The following CPM variants were observed in gnomAD, a reference collection of about 807,000 sequenced individuals.
CPM encodes the protein renal carboxypeptidase.
In CPM, 35 loss-of-function variants were observed where a neutral mutation model predicts 46.4. The ratio of observed to expected loss-of-function variants is 0.75; its 90% confidence interval spans 0.58 to 1.00. The LOEUF (loss-of-function observed/expected upper bound fraction) is 1.00. CPM is among the 50% of genes least tolerant of loss of function. The pLI is 0.00. For missense variants in CPM, 422 were observed against 530.4 expected, an observed-to-expected ratio of 0.80 and a Z score of 2.01; for synonymous variants, 195 against 195.3, an observed-to-expected ratio of 1.00 and a Z score of 0.01.
At chr12:68,914,226 G>T (rs1474659417) in intron 2 of CPM, among the ~76,000 whole-genome samples, 1 of 152,138 alleles carries the variant, frequency 6.6e-6, no homozygotes, top group South Asian at 2.1e-4. Context: ...AGAGCACAAG[G>T]CCAGTCATTA....
intron 2 of CPM, among the ~76,000 whole-genome samples, chr12:68,922,051 T>C (rs1039583121): frequency 6.6e-6 from 1 of 152,198 alleles, no homozygotes. Flanking sequence ...GCCTGGTCCT[T>C]GGCCTCTATG....
chr12:68,960,749 GCAAC>G (rs1469101554), intron 1 of CPM, among the ~76,000 whole-genome samples: 1 of 152,142 alleles, frequency 6.6e-6, no homozygotes, highest in Non-Finnish European at 1.5e-5. Context: ...TCTAAATGTG[GCAAC>G]CTATGTGACT....
At chr12:68,935,371 G>A (rs1238412795), upstream of CPM, among the ~76,000 whole-genome samples, 1 of 152,092 alleles carries the variant, frequency 6.6e-6, no homozygotes, top group East Asian at 1.9e-4. Context: ...AGCGATTCTT[G>A]TGTTTCAGCC....
At chr12:68,902,504 A>G (rs1248025439) in intron 2 of CPM, among the ~76,000 whole-genome samples, 1 of 152,154 alleles carries the variant, frequency 6.6e-6, no homozygotes, top group African/African-American at 2.4e-5. Context: ...TTGGTTTCGG[A>G]CTTTTCCAGT....
At chr12:68,931,763 A>AAAAAAAAAAAAAAG (rs1482981614) in intron 2 of CPM, among the ~76,000 whole-genome samples, 38 of 132,514 alleles carry the variant, frequency 2.9e-4, no homozygotes, top group African/African-American at 3.7e-4. Flanking sequence ...AAAAAAAAAA[A>AAAAAAAAAAAAAAG]AAAGAAAGAA....
intron 7 of CPM, among the ~76,000 whole-genome samples, chr12:68,860,137 C>A (rs1190358339): frequency 6.6e-6 from 1 of 152,150 alleles, no homozygotes; most frequent in African/African-American, 2.4e-5. Context: ...CTTCAACAAA[C>A]TTCTATCTGA....
intron 6 of CPM, among the ~76,000 whole-genome samples, chr12:68,867,884 T>C (rs1356250062): frequency 6.6e-6 from 1 of 152,198 alleles, no homozygotes; most frequent in Non-Finnish European, 1.5e-5. Flanking sequence ...CCCTAGCAGA[T>C]AGCCAGAACT....
chr12:68,883,538 C>T (rs1164503751), intron 3 of CPM, among the ~76,000 whole-genome samples: 1 of 152,204 alleles, frequency 6.6e-6, no homozygotes, highest in Non-Finnish European at 1.5e-5. Flanking sequence ...GCTGCCTAGT[C>T]TCAGCCCTCA....
chr12:68,961,140 A>G (rs79575450), intron 1 of CPM, among the ~76,000 whole-genome samples: 2,146 of 152,204 alleles, frequency 0.014, 46 homozygotes, highest in African/African-American at 0.049. Flanking sequence ...TAATGAAAAT[A>G]CCTATAGTCT....
chr12:68,888,544 A>G (rs999759997), intron 2 of CPM, among the ~76,000 whole-genome samples: 13 of 152,270 alleles, frequency 8.5e-5, no homozygotes, highest in Admixed American at 4.6e-4. Context: ...CCTAGACCAG[A>G]GCAAATGCAC....
intron 7 of CPM, among the ~76,000 whole-genome samples, chr12:68,861,623 G>A (rs541622822): frequency 4.0e-5 from 6 of 151,140 alleles, no homozygotes; most frequent in Non-Finnish European, 8.8e-5. Context: ...TCTGCCTCCC[G>A]GGTTCAAGCA....
At chr12:68,868,205 G>A (rs1049861410) in intron 6 of CPM, among the ~76,000 whole-genome samples, 2 of 152,206 alleles carry the variant, frequency 1.3e-5, no homozygotes, top group Non-Finnish European at 2.9e-5. Flanking sequence ...GAGCAGGGAC[G>A]ATGCAGAAGC....
At chr12:68,910,423 T>C (rs1268397809) in intron 2 of CPM, among the ~76,000 whole-genome samples, 34 of 152,200 alleles carry the variant, frequency 2.2e-4, no homozygotes, top group Admixed American at 2.2e-3. Context: ...TTTTTTTTAC[T>C]TCACAATATA....
chr12:68,859,027 T>A lies in CPM; in HGVS notation c.985A>T (p.Asn329Tyr), dbSNP rs1350967520. 6.4e-7 allele frequency: 1 copy of A among 1,562,298 alleles called. No individual in the cohort carries two copies. Among genetic ancestry groups the A allele is most frequent in the Admixed American group, 1.8e-5 (1 of 55,000 alleles). The change falls in exon 8 of 9, where the codon AAT becomes TAT. Residue 329 changes from asparagine to tyrosine, a missense_variant. By Grantham distance (143) the Asn-to-Tyr change is moderately radical. Coordinates refer to ENST00000551568, the MANE Select transcript of CPM (RefSeq NM_198320.5). ...VFDQNGNPLPNVIVEVQDRKH... is the reference protein window; with the variant it reads ...VFDQNGNPLPYVIVEVQDRKH... Reference sequence around the variant, plus strand: ...CTGTCTTGGACTTCCACAATTACATTGGGTAATGGATTTCCATTCTGATCA... The same window carrying A: ...CTGTCTTGGACTTCCACAATTACATAGGGTAATGGATTTCCATTCTGATCA...
At chr12:68,936,970 G>T (rs111768918), upstream of CPM, among the ~76,000 whole-genome samples, 702 of 152,212 alleles carry the variant, frequency 4.6e-3, 3 homozygotes, top group Non-Finnish European at 8.2e-3. Flanking sequence ...AGCAATCAAA[G>T]AATTACAAGT....
intron 2 of CPM, among the ~76,000 whole-genome samples, chr12:68,898,753 C>T (rs185559999): frequency 2.7e-4 from 41 of 152,304 alleles, no homozygotes; most frequent in Admixed American, 7.8e-4. Context: ...AGAGCTAAAA[C>T]CCAGCTCTGT....
chr12:68,869,441 T>C lies in CPM; in HGVS notation c.671A>G (p.Tyr224Cys), dbSNP rs1885594415. 1 of 1,613,564 alleles carries C rather than the reference T, an allele frequency of 6.2e-7. No homozygotes were observed. Among genetic ancestry groups the C allele is most frequent in the Non-Finnish European group, 8.5e-7 (1 of 1,179,764 alleles). ...SLTPDDDVFQ[Y>C]LAHTYASRNP... is the part of the protein sequence containing the mutation. ...TCTTGAAGCATAGGTATGTGCAAGA[T>C]ATTGAAAAACATCATCATCAGGCGT... Residue 224 changes from tyrosine to cysteine, a missense_variant, in exon 6 of 9, where the codon TAT becomes TGT. Tyr to Cys is a radical substitution (Grantham distance 194). Coordinates refer to ENST00000551568, the MANE Select transcript of CPM (RefSeq NM_198320.5).
chr12:68,912,548 A>T (rs571558866), intron 2 of CPM, among the ~76,000 whole-genome samples: 33 of 152,332 alleles, frequency 2.2e-4, no homozygotes, highest in Admixed American at 1.8e-3. Flanking sequence ...AAAAAGAGGG[A>T]GTATAAGAAA....
chr12:68,916,220 T>C (rs1430668362), intron 2 of CPM, among the ~76,000 whole-genome samples: 1 of 152,214 alleles, frequency 6.6e-6, no homozygotes, highest in African/African-American at 2.4e-5. Flanking sequence ...ACATTCTGAA[T>C]AATTAATGCT....
Sources: allele counts gnomAD v4.1 joint callset (sites outside exome capture counted in the v4.1 genomes callset), GRCh38; gene constraint gnomAD v4.1.1; transcripts MANE v1.5; gene names NCBI Gene and HGNC (gene_info 2026-07-23, HGNC 2026-07-21).